Variants in TLCD2 observed in about 807,000 individuals in gnomAD.
TLCD2 encodes TLC domain containing 2.
A neutral mutation model predicts 14.0 loss-of-function variants in TLCD2; 12 were observed. The ratio of observed to expected loss-of-function variants is 0.86; its 90% CI spans 0.55 to 1.39. TLCD2 has a LOEUF of 1.39. Ranked by LOEUF, TLCD2 falls within the 40% of genes most tolerant of loss-of-function variation. The probability of loss-of-function intolerance (pLI) is 0.00; values close to 1 mark genes in which losing one functional copy is unlikely to be tolerated. For synonymous variants in TLCD2, 166 were observed against 156.5 expected (o/e 1.06, Z -0.45); for missense variants, 360 against 346.8 (o/e 1.04, Z -0.30).
intron 3 of TLCD2, among the ~76,000 whole-genome samples, chr17:1,709,247 G>A (rs1290293729): frequency 6.6e-6 from 1 of 152,020 alleles, no homozygotes; most frequent in African/African-American, 2.4e-5. Context: ...AAAATTACTT[G>A]GGCGTGGTGG....
chr17:1,710,096 G>A lies in TLCD2; in HGVS notation c.147C>T (p.Ser49=), dbSNP rs771624399. 4.6e-6 allele frequency: 7 copies of A among 1,533,402 alleles called. No individual in the cohort carries two copies. In the South Asian group the frequency reaches 4.8e-5, roughly 10 times the overall value. 95.0% of individuals were successfully genotyped at this position (1,533,402 alleles called of 1,614,324 possible). A position where few individuals can be genotyped will look rare whatever the true frequency, so the allele number is the denominator to read the frequency against. The stretch of plus-strand genomic sequence containing the variant: ...GCAGCGCCCCGGTCCCCGAGAGCAG[G>A]CTGTGCGCCAGGGAGACGCAGAGGT... The part of the protein sequence containing the change: ...WWNLCVSLAH[S]LLSGTGALLG... The change falls in exon 1 of 4, where the codon AGC becomes AGT. Residue 49 remains serine (S), a synonymous_variant. Transcript: ENST00000330676. This position sits in a 1 kb window ranked among gnomAD's most constrained non-coding sequence, Gnocchi z 6.1.
chr17:1,709,778 C>G (rs1410062628), intron 2 of TLCD2, 26 bp downstream of exon 2: 8 of 1,455,036 alleles, frequency 5.5e-6, no homozygotes, highest in Non-Finnish European at 7.5e-6. Context: ...TCCCCACCAC[C>G]GGCCCAGCCT....
Position 1,709,541 on chromosome 17 carries a change from C to G in TLCD2, c.300G>C (p.Gln100His), listed in dbSNP as rs1263276502. 6.5e-6 allele frequency: 10 copies of G among 1,537,044 alleles called. No individual in the cohort carries two copies. The highest frequency in any genetic ancestry group is 8.7e-6 in the Non-Finnish European group (10 of 1,146,890). Residue 100 changes from glutamine (Q) to histidine (H), a missense_variant, in exon 3 of 4, where the codon CAG becomes CAC. Transcript: ENST00000330676. ...GAAGATCCCAGGTCTTGCCCAAGGT[C>G]TGGTTCCACAGCAGGTCAGCTCCGT... Reference protein sequence around the residue: ...LADGADLLWNQTLGKTWDLLC... With the variant: ...LADGADLLWNHTLGKTWDLLC...
Position 1,710,069 on chromosome 17 carries a change from G to A in TLCD2, c.174C>T (p.Leu58=), listed in dbSNP as rs1289370424. The A allele has an allele frequency of 3.9e-6, 6 of 1,532,700 alleles. No homozygotes were observed. In the East Asian group the frequency reaches 7.3e-5, roughly 19 times the overall value. The allele number at this position is 1,532,700 out of a possible 1,614,324, so 94.9% of individuals were successfully genotyped here. Residue 58 remains leucine, a splice_region_variant and synonymous_variant, in exon 1 of 4, where the codon CTC becomes CTT. Transcript: ENST00000330676. This position sits in a 1 kb window ranked among gnomAD's most constrained non-coding sequence, Gnocchi z 6.1. ...GCCTCGAGCCCCCAAGCCCGCACCC[G>A]AGCAGCGCCCCGGTCCCCGAGAGCA... ...HSLLSGTGAL[L]GLSLYPQMAA...
At position 1,709,846 on chromosome 17, in the gene TLCD2, C is replaced by G. The variant is rs1173796212; in HGVS notation, c.217G>C (p.Gly73Arg). The change falls in exon 2 of 4, where the codon GGC becomes CGC. Residue 73 changes from glycine to arginine, a missense_variant. Physicochemically the swap from Gly to Arg is moderately radical, Grantham distance 125. Coordinates refer to ENST00000330676, the MANE Select transcript of TLCD2 (RefSeq NM_001164407.2). ...YPQMAADPIH[G>R]HPRWALVLVA... ...AGCACCAGAGCCCAGCGCGGGTGGC[C>G]ATGGATGGGGTCGGCGGCCATCTGA... 2 of 1,535,328 alleles carry G rather than the reference C, an allele frequency of 1.3e-6. No homozygotes were observed. The highest frequency in any genetic ancestry group is 4.9e-5 in the East Asian group (2 of 40,898).
Position 1,708,151 on chromosome 17 carries a change from C to T in TLCD2, c.414G>A (p.Leu138=), listed in dbSNP as rs1257586119. The change falls in exon 4 of 4, where the codon CTG becomes CTA. Residue 138 remains leucine, a synonymous_variant. Transcript: ENST00000330676. ...GGTGCAAGCAGGCAGAGTTCAGTTC[C>T]AGGAGCAGAGACACCATGGAGAAGC... ...YVGFSMVSLL[L]ELNSACLHLR... is the part of the protein sequence containing the mutation. 6 of 1,536,694 alleles carry T rather than the reference C, an allele frequency of 3.9e-6. No homozygotes were observed. In the South Asian group the frequency reaches 5.9e-5, roughly 15 times the overall value.
rs1162803383 is a variant in TLCD2, at chr17:1,709,588, G to C, written c.260-7C>G. Reference sequence around the variant, plus strand: ...CCGTCTGCCAGGAAGTAACCTGTGGGCATGGGGGTAGGGGTTAGGCTGCTC... The same window carrying C: ...CCGTCTGCCAGGAAGTAACCTGTGGCCATGGGGGTAGGGGTTAGGCTGCTC... On this transcript the variant is annotated splice_polypyrimidine_tract_variant and splice_region_variant and intron_variant, in intron 2 of 3. Transcript: ENST00000330676. 1 of 1,536,918 alleles carries C rather than the reference G, an allele frequency of 6.5e-7. No individual in the cohort carries two copies. The highest frequency in any genetic ancestry group is 2.0e-5 in the Admixed American group (1 of 50,970).
In TLCD2 at chr17:1,706,657, C is replaced by G. The variant is rs1348219000; in HGVS notation, c.*1113G>C. 1 of 149,974 alleles carries G rather than the reference C, an allele frequency of 6.7e-6. No homozygotes were observed. The highest frequency in any genetic ancestry group is 1.5e-5 in the Non-Finnish European group (1 of 67,740). 9.3% of individuals were successfully genotyped at this position (149,974 alleles called of 1,614,324 possible). On this transcript the variant is annotated 3_prime_UTR_variant, in exon 4 of 4. Coordinates refer to ENST00000330676, the MANE Select transcript of TLCD2 (RefSeq NM_001164407.2). ...TGGCGTGCACCTGTAGTCCCAGCTA[C>G]TTGGGAGGCTGAGGTGGGAGGCAGG...
rs1189278549 is a variant in TLCD2, at chr17:1,710,019, C to G, written c.176+48G>C. The G allele has an allele frequency of 2.6e-6, 4 of 1,525,648 alleles. No individual in the cohort carries two copies. The highest frequency in any genetic ancestry group is 3.5e-6 in the Non-Finnish European group (4 of 1,142,484). 94.5% of individuals were successfully genotyped at this position (1,525,648 alleles called of 1,614,324 possible). A position where few individuals can be genotyped will look rare whatever the true frequency, so the allele number is the denominator to read the frequency against. ...CCGGCGGGTCTCCCGGCCTCAGCCT[C>G]CCACCCCTCGCCCTCGCCCCGTGCG... On this transcript the variant is annotated intron_variant, in intron 1 of 3. Transcript: ENST00000330676. The surrounding 1 kb of genome is among the most constrained non-coding windows in gnomAD (Gnocchi z 6.1).
chr17:1,708,036 G>A lies in TLCD2; in HGVS notation c.529C>T (p.Arg177Cys), dbSNP rs754841981. ...CTCATCCACCCCAGCGGGACCAGGC[G>A]GAAGAGGGCCAAGGTGGCCAAGGAG... ...WASLATLALF[R>C]LVPLGWMSLW... Residue 177 changes from arginine (R) to cysteine (C), a missense_variant, in exon 4 of 4, where the codon CGC becomes TGC. By Grantham distance (180) the Arg-to-Cys change is radical. Coordinates refer to ENST00000330676, the MANE Select transcript of TLCD2 (RefSeq NM_001164407.2). 40 of 1,537,108 alleles carry A rather than the reference G, an allele frequency of 2.6e-5. No individual in the cohort carries two copies. The highest frequency in any genetic ancestry group is 2.8e-5 in the Non-Finnish European group (32 of 1,146,930).
rs1914010258 is a variant in TLCD2 at position 1,705,682 on chromosome 17, C to T, written c.*2088G>A. On this transcript the variant is annotated 3_prime_UTR_variant, in exon 4 of 4. Transcript: ENST00000330676. ...ATGTATGTCTGTCTCTGTCATTCTT[C>T]GTATCTTTCTGTACCTCCGCTTCTT... is the stretch of plus-strand genomic sequence containing the variant. 6.6e-6 allele frequency: 1 copy of T among 152,216 alleles called. No homozygotes were observed. Among genetic ancestry groups the T allele is most frequent in the Admixed American group, 6.6e-5 (1 of 15,258 alleles). The allele number at this position is 152,216 out of a possible 1,614,324, so 9.4% of individuals were successfully genotyped here.
Position 1,709,874 on chromosome 17 carries a change from G to A in TLCD2, c.189C>T (p.Tyr63=). The change falls in exon 2 of 4, where the codon TAC becomes TAT. Residue 63 remains tyrosine (Y), a synonymous_variant. Coordinates refer to ENST00000330676, the MANE Select transcript of TLCD2 (RefSeq NM_001164407.2). Reference sequence around the variant, plus strand: ...GGATGGGGTCGGCGGCCATCTGAGGGTACAGTGACAGGCTGGGGGCATGGG... The same window carrying A: ...GGATGGGGTCGGCGGCCATCTGAGGATACAGTGACAGGCTGGGGGCATGGG... ...GTGALLGLSL[Y]PQMAADPIHG... 1 of 1,516,104 alleles carries A rather than the reference G, an allele frequency of 6.6e-7. No homozygotes were observed. Among genetic ancestry groups the A allele is most frequent in the Non-Finnish European group, 8.9e-7 (1 of 1,129,928 alleles). 93.9% of individuals were successfully genotyped at this position (1,516,104 alleles called of 1,614,324 possible). A position where few individuals can be genotyped will look rare whatever the true frequency, so the allele number is the denominator to read the frequency against.
chr17:1,704,675 G>C lies in TLCD2; in HGVS notation c.*3095C>G, dbSNP rs1357560088. On this transcript the variant is annotated 3_prime_UTR_variant, in exon 4 of 4. Coordinates refer to ENST00000330676, the MANE Select transcript of TLCD2 (RefSeq NM_001164407.2). ...ATTTTTCCTCCTCTTTTCATTTCTG[G>C]GTTCCTGCCTCTTCTTTGTTCTTTG... is the stretch of plus-strand genomic sequence containing the variant. 6.6e-6 allele frequency: 1 copy of C among 150,492 alleles called. No individual in the cohort carries two copies. The highest frequency in any genetic ancestry group is 2.4e-5 in the African/African-American group (1 of 40,886). The allele number at this position is 150,492 out of a possible 1,614,324, so 9.3% of individuals were successfully genotyped here.
chr17:1,708,055 C>T lies in TLCD2; in HGVS notation c.510G>A (p.Leu170=). 3.3e-6 allele frequency: 5 copies of T among 1,537,180 alleles called. No homozygotes were observed. The highest frequency in any genetic ancestry group is 4.4e-6 in the Non-Finnish European group (5 of 1,146,892). The change falls in exon 4 of 4, where the codon TTG becomes TTA. Residue 170 remains leucine, a synonymous_variant. Transcript: ENST00000330676. ...LAFSVTSWAS[L]ATLALFRLVP... ...CCAGGCGGAAGAGGGCCAAGGTGGC[C>T]AAGGAGGCCCAGCTGGTCACGCTGA...
chr17:1,708,342 C>T (rs1346575772), intron 3 of TLCD2, 120 bp from the exon 4 acceptor site: 4 of 746,062 alleles, frequency 5.4e-6, no homozygotes, highest in African/African-American at 1.8e-5. Context: ...AACACCTGAC[C>T]TTTATGCTTT....
chr17:1,709,947 C>G, intron 1 of TLCD2, 61 bp from the exon 2 acceptor site: 2 of 1,513,284 alleles, frequency 1.3e-6, no homozygotes, highest in Non-Finnish European at 8.8e-7. Context: ...GCCCCGGCCG[C>G]AGTCTCCCTG....
At chr17:1,709,215 C>T (rs563450871) in intron 3 of TLCD2, among the ~76,000 whole-genome samples, 14 of 152,026 alleles carry the variant, frequency 9.2e-5, no homozygotes, top group Middle Eastern at 3.4e-3. Context: ...ATGGAGAAAC[C>T]CCGTCTTTAC....
At chr17:1,709,912 G>T (rs59728439) in intron 1 of TLCD2, 26 bp from the exon 2 acceptor site, 52 of 1,520,734 alleles carry the variant, frequency 3.4e-5, no homozygotes, top group Middle Eastern at 2.3e-4. Flanking sequence ...GGGGACATGG[G>T]GGGGGGCATG....
Position 1,703,849 on chromosome 17 carries a change from G to A in TLCD2, c.*3921C>T, listed in dbSNP as rs1021901576. ...ATTTCTTTTTCTTTAAAAACTCAAG[G>A]CAGACAACATTTTTGTTAATCAAGG... On this transcript the variant is annotated 3_prime_UTR_variant, in exon 4 of 4. Coordinates refer to ENST00000330676, the MANE Select transcript of TLCD2 (RefSeq NM_001164407.2). 2 of 151,982 alleles carry A rather than the reference G, an allele frequency of 1.3e-5. No homozygotes were observed. Among genetic ancestry groups the A allele is most frequent in the Non-Finnish European group, 2.9e-5 (2 of 68,012 alleles). 9.4% of individuals were successfully genotyped at this position (151,982 alleles called of 1,614,324 possible).
Sources: gnomAD v4.1 joint callset for allele counts (sites outside exome capture counted in the v4.1 genomes callset) on GRCh38, gnomAD v4.1.1 for gene constraint, Gnocchi (gnomAD v3.1) non-coding constraint, MANE v1.5 for transcripts, NCBI Gene and HGNC (gene_info 2026-07-23, HGNC 2026-07-21) for gene names.